The following TMEM62 variants were observed in gnomAD, a reference collection of about 807,000 sequenced individuals.
TMEM62 encodes the protein transmembrane protein 62.
A neutral mutation model predicts 70.4 loss-of-function variants in TMEM62; 41 were observed. The observed-to-expected ratio is 0.58, with a 90% CI of 0.45 to 0.76. The LOEUF (loss-of-function observed/expected upper bound fraction) is 0.76. Among genes scored for constraint, TMEM62 ranks in the 30% least tolerant of loss-of-function variants. TMEM62 has a pLI of 0.00. For synonymous variants in TMEM62, 268 were observed against 291.0 expected (o/e 0.92, Z 0.80); for missense variants, 688 against 788.5 (o/e 0.87, Z 1.53).
intron 10 of TMEM62, 124 bp downstream of exon 10, chr15:43,160,918 G>A: frequency 2.3e-6 from 1 of 438,222 alleles, no homozygotes; most frequent in Non-Finnish European, 4.0e-6. Context: ...TCCATGGTCT[G>A]AAAATATTAT....
intron 11 of TMEM62, among the ~76,000 whole-genome samples, chr15:43,172,322 C>T (rs890107193): frequency 6.6e-6 from 1 of 152,114 alleles, no homozygotes; most frequent in African/African-American, 2.4e-5. Flanking sequence ...TTTAACTACA[C>T]ATAGATTACT....
Position 43,133,760 on chromosome 15 carries a change from C to A in TMEM62, c.-43C>A. 7.6e-7 allele frequency: 1 copy of A among 1,315,414 alleles called. No homozygotes were observed. The highest frequency in any genetic ancestry group is 9.7e-7 in the Non-Finnish European group (1 of 1,035,364). 81.5% of individuals were successfully genotyped at this position (1,315,414 alleles called of 1,614,324 possible). ...CGGCTCCCGGGAGCGCCGCGCGGTCCTGCGCGGGATCAGCGAGGGCCGCGC... is the reference window on the plus strand; with the variant it reads ...CGGCTCCCGGGAGCGCCGCGCGGTCATGCGCGGGATCAGCGAGGGCCGCGC... On this transcript the variant is annotated 5_prime_UTR_variant, in exon 1 of 14. In the 5' UTR this introduces an upstream ATG that the reference lacks. Coordinates refer to ENST00000260403, the MANE Select transcript of TMEM62 (RefSeq NM_024956.4).
chr15:43,153,499 T>G (rs184912174), intron 8 of TMEM62, among the ~76,000 whole-genome samples: 34 of 152,380 alleles, frequency 2.2e-4, no homozygotes, highest in Admixed American at 6.5e-4. Context: ...TCTATGAATT[T>G]GACTACTCTA....
chr15:43,155,635 T>G (rs1413612799), intron 9 of TMEM62, among the ~76,000 whole-genome samples: 1 of 152,232 alleles, frequency 6.6e-6, no homozygotes, highest in Non-Finnish European at 1.5e-5. Flanking sequence ...CTCCCTTTTT[T>G]TAGCCCCAGG....
intron 11 of TMEM62, among the ~76,000 whole-genome samples, chr15:43,170,951 G>A (rs766235088): frequency 2.0e-5 from 3 of 152,142 alleles, no homozygotes; most frequent in African/African-American, 4.8e-5. Flanking sequence ...AAGTTATATC[G>A]GAGGAAAACA....
chr15:43,133,849 C>T lies in TMEM62; in HGVS notation c.47C>T (p.Ala16Val), dbSNP rs2034750923. 2 of 1,466,350 alleles carry T rather than the reference C, an allele frequency of 1.4e-6. No homozygotes were observed. Among genetic ancestry groups the T allele is most frequent in the Non-Finnish European group, 1.8e-6 (2 of 1,116,784 alleles). 90.8% of individuals were successfully genotyped at this position (1,466,350 alleles called of 1,614,324 possible). A position where few individuals can be genotyped will look rare whatever the true frequency, so the allele number is the denominator to read the frequency against. Residue 16 changes from alanine to valine, a missense_variant, in exon 1 of 14, where the codon GCA becomes GTA. Coordinates refer to ENST00000260403, the MANE Select transcript of TMEM62 (RefSeq NM_024956.4). ...ALRVVAGLAA[A>V]ALVAMLLEHY... is the part of the protein sequence containing the mutation. ...AGGGTGGTCGCGGGGTTGGCGGCCG[C>T]AGCGCTGGTGGCCATGCTCTTGGAG...
At chr15:43,165,855 G>C (rs1596311443) in intron 10 of TMEM62, among the ~76,000 whole-genome samples, 1 of 152,240 alleles carries the variant, frequency 6.6e-6, no homozygotes, top group East Asian at 1.9e-4. Context: ...CCTCAAAACA[G>C]CTATTTTGAA....
At chr15:43,171,336 T>TAA (rs74525020) in intron 11 of TMEM62, among the ~76,000 whole-genome samples, 3 of 138,960 alleles carry the variant, frequency 2.2e-5, no homozygotes, top group Non-Finnish European at 3.1e-5. Flanking sequence ...ACTCTGTCCT[T>TAA]AAAAAAAAAA....
At chr15:43,157,539 G>GT (rs553059800) in intron 9 of TMEM62, among the ~76,000 whole-genome samples, 3 of 151,830 alleles carry the variant, frequency 2.0e-5, no homozygotes, top group Non-Finnish European at 2.9e-5. Context: ...TATTTTTAAA[G>GT]TTTTTTTTAT....
intron 2 of TMEM62, 54 bp downstream of exon 2, chr15:43,134,422 C>G: frequency 7.1e-7 from 1 of 1,403,152 alleles, no homozygotes; most frequent in Middle Eastern, 2.0e-4. Context: ...TGGTAGAACT[C>G]TAGCCAGGGC....
At chr15:43,170,572 T>TA (rs138908189) in intron 11 of TMEM62, among the ~76,000 whole-genome samples, 9,801 of 151,254 alleles carry the variant, frequency 0.065, 1,051 homozygotes, top group African/African-American at 0.22. Context: ...CCTAAGAAAT[T>TA]AAAAAAAAAC....
intron 8 of TMEM62, among the ~76,000 whole-genome samples, chr15:43,153,292 A>G (rs2141717339): frequency 6.6e-6 from 1 of 152,290 alleles, no homozygotes; most frequent in African/African-American, 2.4e-5. Flanking sequence ...CATAAAATGT[A>G]CCATTTTAAC....
In TMEM62 at chr15:43,133,943, G is replaced by A; in HGVS notation, c.141G>A (p.Ala47=). 4 of 1,469,944 alleles carry A rather than the reference G, an allele frequency of 2.7e-6. No individual in the cohort carries two copies. Among genetic ancestry groups the A allele is most frequent in the Non-Finnish European group, 3.6e-6 (4 of 1,120,210 alleles). The allele number at this position is 1,469,944 out of a possible 1,614,324, so 91.1% of individuals were successfully genotyped here. A position where few individuals can be genotyped will look rare whatever the true frequency, so the allele number is the denominator to read the frequency against. ...CGCCCCCCAGGAGGCCGCACCCTGC[G>A]CCAGGGCCCGGAGACAGCAACATCT... ...RPAPPRRPHP[A]PGPGDSNIFW... Residue 47 remains alanine (A), a synonymous_variant, in exon 1 of 14, where the codon GCG becomes GCA. Transcript: ENST00000260403.
intron 8 of TMEM62, among the ~76,000 whole-genome samples, chr15:43,153,795 A>G (rs1215194492): frequency 6.6e-6 from 1 of 152,214 alleles, no homozygotes; most frequent in Non-Finnish European, 1.5e-5. Context: ...TAACGCTTCT[A>G]TGAATATGAG....
chr15:43,140,363 G>C (rs187471234), intron 4 of TMEM62, among the ~76,000 whole-genome samples: 1 of 152,262 alleles, frequency 6.6e-6, no homozygotes, highest in African/African-American at 2.4e-5. Flanking sequence ...TCAGAATCTG[G>C]TACTGTTCTG....
intron 11 of TMEM62, among the ~76,000 whole-genome samples, chr15:43,177,406 C>A (rs991300842): frequency 2.0e-5 from 3 of 152,084 alleles, no homozygotes; most frequent in African/African-American, 7.3e-5. Context: ...GTTGGTGGGA[C>A]TGTAAACTAG....
intron 9 of TMEM62, among the ~76,000 whole-genome samples, chr15:43,157,084 A>G (rs1018319835): frequency 4.2e-4 from 64 of 152,296 alleles, no homozygotes; most frequent in African/African-American, 1.5e-3. Flanking sequence ...AATCCGTGGG[A>G]GAAGACACTT....
chr15:43,159,022 G>A (rs1463636593), intron 9 of TMEM62, among the ~76,000 whole-genome samples: 4 of 151,890 alleles, frequency 2.6e-5, no homozygotes, highest in Non-Finnish European at 2.9e-5. Context: ...GTCTTTGTTC[G>A]TTTTCTTACT....
At chr15:43,175,754 A>G (rs984027460) in intron 11 of TMEM62, among the ~76,000 whole-genome samples, 4 of 152,230 alleles carry the variant, frequency 2.6e-5, no homozygotes, top group Non-Finnish European at 5.9e-5. Flanking sequence ...AGCGTGAGTG[A>G]CACAGAAGAC....
Sources: gnomAD v4.1 joint callset for allele counts (sites outside exome capture counted in the v4.1 genomes callset) on GRCh38, gnomAD v4.1.1 for gene constraint, MANE v1.5 for transcripts, NCBI Gene and HGNC (gene_info 2026-07-23, HGNC 2026-07-21) for gene names.